The following NGEF variants were observed in gnomAD, a reference collection of about 807,000 sequenced individuals.
NGEF encodes neuronal guanine nucleotide exchange factor, also known as ephexin-1.
A neutral mutation model predicts 80.9 loss-of-function variants in NGEF; 31 were observed. That is an observed-to-expected ratio of 0.38 (90% CI 0.29 to 0.52). The LOEUF is 0.52. Among genes scored for constraint, NGEF ranks in the 20% least tolerant of loss-of-function variants. The pLI, the probability that NGEF is intolerant of heterozygous loss-of-function variation, is 0.84. For synonymous variants in NGEF, 371 were observed against 370.2 expected (o/e 1.00, Z -0.03); for missense variants, 709 against 926.2 (o/e 0.77, Z 3.04).
intron 3 of NGEF, among the ~76,000 whole-genome samples, chr2:232,957,662 A>G (rs906713522): frequency 6.6e-6 from 1 of 152,342 alleles, no homozygotes; most frequent in East Asian, 1.9e-4. Context: ...GAAAGTAGTC[A>G]TAAGTCCCAG....
At chr2:232,928,475 C>T (rs1282826241) in intron 3 of NGEF, among the ~76,000 whole-genome samples, 1 of 151,942 alleles carries the variant, frequency 6.6e-6, no homozygotes, top group Non-Finnish European at 1.5e-5. Flanking sequence ...CTCCCCAGTG[C>T]CCGCAGACCT....
intron 1 of NGEF, among the ~76,000 whole-genome samples, chr2:232,983,200 T>G (rs1559234744): frequency 1.3e-5 from 2 of 150,868 alleles, no homozygotes. Flanking sequence ...GGAGGGGCAG[T>G]AACAGGAAAG....
intron 3 of NGEF, among the ~76,000 whole-genome samples, chr2:232,959,462 A>G (rs1472551020): frequency 1.3e-5 from 2 of 152,192 alleles, no homozygotes; most frequent in African/African-American, 4.8e-5. Context: ...GTACATTTTC[A>G]TAGAAATACA....
At position 232,927,259 on chromosome 2, in the gene NGEF, C is replaced by A. The variant is rs1033185240; in HGVS notation, c.384-73G>T. The A allele has an allele frequency of 5.5e-6, 8 of 1,457,182 alleles. No individual in the cohort carries two copies. The East Asian group carries it at 1.9e-4, about 35-fold the overall frequency. The allele number at this position is 1,457,182 out of a possible 1,614,324, so 90.3% of individuals were successfully genotyped here. ...TTCACCTCGGCTGGCTAGCGAGGGG[C>A]GTGCGCACAGGCGGCTGCTAGCCAG... is the stretch of plus-strand genomic sequence containing the variant. On this transcript the variant is annotated intron_variant, in intron 3 of 14. Coordinates refer to ENST00000264051, the MANE Select transcript of NGEF (RefSeq NM_019850.3).
At chr2:232,886,293 CTG>C (rs1478269238) in intron 9 of NGEF, among the ~76,000 whole-genome samples, 6 of 145,458 alleles carry the variant, frequency 4.1e-5, no homozygotes, top group African/African-American at 1.5e-4. Flanking sequence ...TGTGTGCGTG[CTG>C]TGTGTACTGT....
chr2:232,964,474 C>T (rs1694017001), intron 3 of NGEF, among the ~76,000 whole-genome samples: 1 of 152,174 alleles, frequency 6.6e-6, no homozygotes, highest in African/African-American at 2.4e-5. Flanking sequence ...AGGCAGATGC[C>T]TTGAGGTCAG....
chr2:232,963,717 G>A (rs1353343573), intron 3 of NGEF, among the ~76,000 whole-genome samples: 1 of 152,122 alleles, frequency 6.6e-6, no homozygotes, highest in Admixed American at 6.5e-5. Context: ...GGGAGGCTGA[G>A]GCAGGAGAAT....
At chr2:232,899,065 T>C (rs1281010207) in intron 5 of NGEF, among the ~76,000 whole-genome samples, 2 of 151,788 alleles carry the variant, frequency 1.3e-5, no homozygotes, top group African/African-American at 4.8e-5. Context: ...GATGTGTGTG[T>C]AAATGCATTG....
intron 1 of NGEF, among the ~76,000 whole-genome samples, chr2:232,994,032 A>G (rs941850419): frequency 6.6e-6 from 1 of 152,198 alleles, no homozygotes; most frequent in Admixed American, 6.5e-5. Context: ...TGAGTTGTAC[A>G]CCATAAATGG....
rs964722170 is a variant in NGEF at position 232,893,769 on chromosome 2, C to G, written c.990-719G>C. On this transcript the variant is annotated intron_variant, in intron 6 of 14. Coordinates refer to ENST00000264051, the MANE Select transcript of NGEF (RefSeq NM_019850.3). ...CAGCCTGGGCAAAAAGAGTGAAACT[C>G]TGTCTCAAAAAAAATAAAAAAGAAG... Among the ~76,000 whole-genome samples the G allele has an allele frequency of 2.0e-5, 3 of 152,204 alleles. No individual in the cohort carries two copies. The South Asian group carries it at 6.2e-4, about 32-fold the overall frequency.
rs372320923 is a variant in NGEF at position 232,892,889 on chromosome 2, T to C, written c.1142+9A>G. The C allele has an allele frequency of 8.1e-6, 13 of 1,611,816 alleles. No individual in the cohort carries two copies. The Admixed American group carries it at 1.0e-4, about 12-fold the overall frequency. On this transcript the variant is annotated intron_variant, in intron 7 of 14. Transcript: ENST00000264051. This position sits in a 1 kb window ranked among gnomAD's most constrained non-coding sequence, Gnocchi z 4.0. ...CCCTGCCCCTGAGCCCCTTGCCGGA[T>C]ACACTCACAGCAGCTGCTTATAGGT...
intron 3 of NGEF, among the ~76,000 whole-genome samples, chr2:232,961,180 G>T (rs1408625042): frequency 6.6e-6 from 1 of 152,118 alleles, no homozygotes; most frequent in African/African-American, 2.4e-5. Context: ...TGATTCTTGG[G>T]TCCATTCTGG....
chr2:232,940,384 C>T (rs1290144809), intron 3 of NGEF, among the ~76,000 whole-genome samples: 1 of 152,192 alleles, frequency 6.6e-6, no homozygotes, highest in Non-Finnish European at 1.5e-5. Flanking sequence ...TGTCATTTTC[C>T]CCTGGGGGCG....
intron 5 of NGEF, among the ~76,000 whole-genome samples, chr2:232,913,615 T>G (rs1692733950): frequency 6.6e-6 from 1 of 152,142 alleles, no homozygotes; most frequent in African/African-American, 2.4e-5. Flanking sequence ...CTTCTATTAT[T>G]ATTGTGGATT....
rs1288051471 is a variant in NGEF at position 232,920,403 on chromosome 2, G to A, written c.709C>T (p.Pro237Ser). The A allele has an allele frequency of 1.9e-6, 3 of 1,613,964 alleles. No homozygotes were observed. The highest frequency in any genetic ancestry group is 1.3e-5 in the African/African-American group (1 of 74,934). ...GGGTTACTGAGCAGGCAGATCTGGGGCAGAGTCTTCCTCTCTGGTGGGCTG... is the reference window on the plus strand; with the variant it reads ...GGGTTACTGAGCAGGCAGATCTGGGACAGAGTCTTCCTCTCTGGTGGGCTG... The part of the protein sequence containing the change: ...PASPPERKTL[P>S]QICLLSNPHS... Residue 237 changes from proline to serine, a missense_variant, in exon 5 of 15, where the codon CCC (proline) becomes TCC (serine). Pro to Ser is a moderately conservative substitution (Grantham distance 74). Coordinates refer to ENST00000264051, the MANE Select transcript of NGEF (RefSeq NM_019850.3).
chr2:232,882,018 GC>G (rs1691520053), intron 13 of NGEF, among the ~76,000 whole-genome samples, 167 bp downstream of exon 13: 1 of 152,182 alleles, frequency 6.6e-6, no homozygotes. Flanking sequence ...CAGGTTATTG[GC>G]CGGTACTAAG....
In NGEF at chr2:232,884,151, C is replaced by A; in HGVS notation, c.1438-7G>T. 6.3e-7 allele frequency: 1 copy of A among 1,586,136 alleles called. No individual in the cohort carries two copies. The highest frequency in any genetic ancestry group is 8.5e-7 in the Non-Finnish European group (1 of 1,170,342). On this transcript the variant is annotated splice_region_variant and splice_polypyrimidine_tract_variant and intron_variant, in intron 10 of 14. Coordinates refer to ENST00000264051, the MANE Select transcript of NGEF (RefSeq NM_019850.3). ...GGGAGATGATGGGCACCGACTGCAG[C>A]GGGGAAAGGGCATCAGGCAGGCTGT...
chr2:232,951,786 ATTTCTC>A (rs1693683913), intron 3 of NGEF, among the ~76,000 whole-genome samples: 1 of 152,062 alleles, frequency 6.6e-6, no homozygotes, highest in Non-Finnish European at 1.5e-5. Context: ...AAAACCAGTA[ATTTCTC>A]CCATGGGTTC....
chr2:232,943,529 T>C (rs1454391099), intron 3 of NGEF, among the ~76,000 whole-genome samples: 2 of 139,940 alleles, frequency 1.4e-5, no homozygotes, highest in East Asian at 2.0e-4. Flanking sequence ...GGAGTCTCAC[T>C]CTGTCGCCCA....
Sources: allele counts gnomAD v4.1 joint callset (sites outside exome capture counted in the v4.1 genomes callset), GRCh38; gene constraint gnomAD v4.1.1; non-coding constraint Gnocchi (gnomAD v3.1); transcripts MANE v1.5; gene names NCBI Gene and HGNC (gene_info 2026-07-23, HGNC 2026-07-21).